The following ZMAT4 variants were observed in gnomAD, a reference collection of about 807,000 sequenced individuals.
The protein encoded by ZMAT4 is zinc finger matrin-type 4, also known as zinc finger matrin-type protein 4.
ZMAT4 carries 17 observed loss-of-function variants against 28.7 expected under a neutral mutation model. That is an observed-to-expected ratio of 0.59 (90% CI 0.41 to 0.89). The LOEUF is 0.89. Ranked by LOEUF, ZMAT4 falls within the 40% of genes least tolerant of loss-of-function variation. The pLI, the probability that ZMAT4 is intolerant of heterozygous loss-of-function variation, is 0.00. For synonymous variants in ZMAT4, 117 were observed against 109.2 expected (o/e 1.07, Z -0.44); for missense variants, 240 against 283.8 (o/e 0.85, Z 1.11).
At chr8:40,717,974 T>A (rs771114379) in intron 3 of ZMAT4, among the ~76,000 whole-genome samples, 12 of 152,206 alleles carry the variant, frequency 7.9e-5, no homozygotes, top group Non-Finnish European at 7.3e-5. Flanking sequence ...AGAAATTAAC[T>A]TTGATAGCTT....
intron 6 of ZMAT4, among the ~76,000 whole-genome samples, chr8:40,542,060 G>C (rs564570663): frequency 2.6e-5 from 4 of 152,302 alleles, no homozygotes; most frequent in East Asian, 1.9e-4. Flanking sequence ...TGTTTTGTTG[G>C]GGGGAGGAAT....
intron 2 of ZMAT4, among the ~76,000 whole-genome samples, chr8:40,821,912 A>G (rs1694058102): frequency 6.6e-6 from 1 of 151,754 alleles, no homozygotes; most frequent in Non-Finnish European, 1.5e-5. Flanking sequence ...TTCTCATTCC[A>G]CTCGCCCCTA....
chr8:40,809,172 G>A (rs1033385059), intron 2 of ZMAT4, among the ~76,000 whole-genome samples: 1 of 152,152 alleles, frequency 6.6e-6, no homozygotes, highest in Non-Finnish European at 1.5e-5. Context: ...TGTTGCTGAA[G>A]GCCATAATCT....
chr8:40,772,742 T>A (rs1813432144), intron 2 of ZMAT4, among the ~76,000 whole-genome samples: 1 of 152,216 alleles, frequency 6.6e-6, no homozygotes, highest in Non-Finnish European at 1.5e-5. Flanking sequence ...AGGATCTAAT[T>A]ATACCTCTTC....
At chr8:40,544,301 G>T (rs1371476821) in intron 6 of ZMAT4, among the ~76,000 whole-genome samples, 1 of 152,202 alleles carries the variant, frequency 6.6e-6, no homozygotes, top group Non-Finnish European at 1.5e-5. Context: ...TCTCTGGACA[G>T]CAAAATATGC....
At chr8:40,678,779 CG>C (rs1809018171) in intron 4 of ZMAT4, among the ~76,000 whole-genome samples, 1 of 152,116 alleles carries the variant, frequency 6.6e-6, no homozygotes, top group African/African-American at 2.4e-5. Context: ...CAAAAACCCC[CG>C]AAACTCAAGT....
intron 3 of ZMAT4, among the ~76,000 whole-genome samples, chr8:40,751,087 C>T (rs1031716613): frequency 4.6e-5 from 7 of 152,132 alleles, no homozygotes; most frequent in African/African-American, 1.4e-4. Context: ...ATAATGTCTT[C>T]CAGATAAGAA....
chr8:40,844,218 C>T (rs1360294082), intron 1 of ZMAT4, among the ~76,000 whole-genome samples: 1 of 152,134 alleles, frequency 6.6e-6, no homozygotes, highest in Admixed American at 6.5e-5. Context: ...CTTGACTGGG[C>T]TAAGGGATGC....
At chr8:40,622,396 A>C (rs1227505894) in intron 5 of ZMAT4, among the ~76,000 whole-genome samples, 1 of 152,146 alleles carries the variant, frequency 6.6e-6, no homozygotes, top group Non-Finnish European at 1.5e-5. Context: ...AGGGTTTTGT[A>C]TTTCCAAGAA....
chr8:40,690,849 G>T, intron 4 of ZMAT4: 1 of 948,488 alleles, frequency 1.1e-6, no homozygotes, highest in Non-Finnish European at 1.3e-6. Context: ...GAACCAATAA[G>T]ATTTTAGAAG....
At chr8:40,742,248 G>GA (rs929033845) in intron 3 of ZMAT4, among the ~76,000 whole-genome samples, 2 of 150,222 alleles carry the variant, frequency 1.3e-5, no homozygotes, top group Non-Finnish European at 3.0e-5. Context: ...ACCCTGTCTC[G>GA]AAAAAAAAGT....
chr8:40,643,731 G>A (rs1807161416), intron 5 of ZMAT4, among the ~76,000 whole-genome samples: 1 of 144,052 alleles, frequency 6.9e-6, no homozygotes, highest in African/African-American at 2.6e-5. Flanking sequence ...GCAAAAAGTT[G>A]AAAATTGAGT....
intron 6 of ZMAT4, among the ~76,000 whole-genome samples, chr8:40,570,892 C>T (rs981405275): frequency 6.6e-6 from 1 of 152,124 alleles, no homozygotes; most frequent in Non-Finnish European, 1.5e-5. Context: ...TTTCTTGATG[C>T]AAATAAACTT....
At chr8:40,863,263 TG>T (rs1817567106) in intron 1 of ZMAT4, among the ~76,000 whole-genome samples, 2 of 151,410 alleles carry the variant, frequency 1.3e-5, no homozygotes. Context: ...TGCTACAATG[TG>T]GAAAATGCTC....
At chr8:40,787,321 T>C (rs933606104) in intron 2 of ZMAT4, among the ~76,000 whole-genome samples, 1 of 152,224 alleles carries the variant, frequency 6.6e-6, no homozygotes, top group African/African-American at 2.4e-5. Flanking sequence ...CCCATCGCTG[T>C]CAATCAGAAC....
intron 6 of ZMAT4, among the ~76,000 whole-genome samples, chr8:40,549,966 T>C (rs1803318624): frequency 6.6e-6 from 1 of 152,168 alleles, no homozygotes; most frequent in South Asian, 2.1e-4. Context: ...ATTGAGCTTG[T>C]CATTCTCCTA....
intron 6 of ZMAT4, among the ~76,000 whole-genome samples, chr8:40,533,192 T>C (rs925002224): frequency 6.6e-6 from 1 of 152,192 alleles, no homozygotes; most frequent in Admixed American, 6.5e-5. Flanking sequence ...ATGTGTGCCA[T>C]TTCCACCCCT....
intron 6 of ZMAT4, among the ~76,000 whole-genome samples, chr8:40,572,649 T>C (rs539799931): frequency 5.9e-5 from 9 of 152,312 alleles, no homozygotes; most frequent in East Asian, 1.9e-4. Context: ...TTTGTACTAA[T>C]TGACAAACTA....
chr8:40,703,809 C>A (rs927467458), intron 3 of ZMAT4, among the ~76,000 whole-genome samples: 2 of 152,142 alleles, frequency 1.3e-5, no homozygotes, highest in Admixed American at 6.5e-5. Context: ...ATTTCAAAAG[C>A]CCAAAGATAT....
Sources: allele counts gnomAD v4.1 joint callset (sites outside exome capture counted in the v4.1 genomes callset), GRCh38; gene constraint gnomAD v4.1.1; transcripts MANE v1.5; gene names NCBI Gene and HGNC (gene_info 2026-07-23, HGNC 2026-07-21).